The following PRDM14 variants were observed in gnomAD, a reference collection of about 807,000 sequenced individuals.
PRDM14 encodes the protein PR domain zinc finger protein 14.
PRDM14 carries 16 observed loss-of-function variants against 48.0 expected under a neutral mutation model. The ratio of observed to expected loss-of-function variants is 0.33; its 90% CI spans 0.23 to 0.51. The LOEUF (loss-of-function observed/expected upper bound fraction) is 0.51, where lower values mean the gene tolerates loss of function less well. Ranked by LOEUF, PRDM14 falls within the 20% of genes least tolerant of loss-of-function variation. The pLI, the probability that PRDM14 is intolerant of heterozygous loss-of-function variation, is 0.97. For missense variants in PRDM14, 566 were observed against 719.6 expected (o/e 0.79, Z 2.44); for synonymous variants, 264 against 276.6 (o/e 0.95, Z 0.45).
intron 2 of PRDM14, 33 bp from the exon 3 acceptor site, chr8:70,068,565 T>TA: frequency 6.3e-7 from 1 of 1,588,514 alleles, no homozygotes; most frequent in Non-Finnish European, 8.6e-7. Context: ...AATTTTTCAT[T>TA]AAAAATGCAT....
At chr8:70,065,281 G>A (rs1023820117) in intron 5 of PRDM14, among the ~76,000 whole-genome samples, 1 of 152,108 alleles carries the variant, frequency 6.6e-6, no homozygotes, top group Non-Finnish European at 1.5e-5. Flanking sequence ...GAGATTACAG[G>A]TGTGAGCCAC....
At chr8:70,065,498 C>T (rs1216410104) in intron 5 of PRDM14, among the ~76,000 whole-genome samples, 2 of 152,076 alleles carry the variant, frequency 1.3e-5, no homozygotes, top group Admixed American at 1.3e-4. Flanking sequence ...CCAGGACCAG[C>T]AGCACTCCCT....
intron 5 of PRDM14, among the ~76,000 whole-genome samples, chr8:70,063,340 A>G (rs1454543050): frequency 6.6e-6 from 1 of 151,874 alleles, no homozygotes; most frequent in African/African-American, 2.4e-5. Context: ...AGGCTGAGGC[A>G]GGAGAAATGC....
At chr8:70,062,506 A>ATT (rs921167972) in intron 5 of PRDM14, among the ~76,000 whole-genome samples, 1 of 147,076 alleles carries the variant, frequency 6.8e-6, no homozygotes. Context: ...CCTGAAGGTA[A>ATT]TTTTTTTTTT....
chr8:70,051,835 G>A lies in PRDM14; in HGVS notation c.*242C>T, dbSNP rs1805389642. 5 of 416,242 alleles carry A rather than the reference G, an allele frequency of 1.2e-5. No individual in the cohort carries two copies. The highest frequency in any genetic ancestry group is 3.8e-5 in the East Asian group (1 of 26,018). 25.8% of individuals were successfully genotyped at this position (416,242 alleles called of 1,614,324 possible). A position where few individuals can be genotyped will look rare whatever the true frequency, so the allele number is the denominator to read the frequency against. On this transcript the variant is annotated 3_prime_UTR_variant, in exon 8 of 8. Transcript: ENST00000276594. ...CACCCAGGTTGAAAAGCAGTGGGGC[G>A]ATCTCAGCTCACAGCAACCTCCGTC...
In PRDM14 at chr8:70,071,152, C is replaced by G. The variant is rs1805759963; in HGVS notation, c.-27G>C. 1 of 152,354 alleles carries G rather than the reference C, an allele frequency of 6.6e-6. No individual in the cohort carries two copies. Among genetic ancestry groups the G allele is most frequent in the Non-Finnish European group, 1.5e-5 (1 of 68,170 alleles). 9.4% of individuals were successfully genotyped at this position (152,354 alleles called of 1,614,324 possible). Reference sequence around the variant, plus strand: ...GGCGCGTCCTGTCCCGTGCCTACCTCCGACACCACCTCCAAGAGCGCCACC... The same window carrying G: ...GGCGCGTCCTGTCCCGTGCCTACCTGCGACACCACCTCCAAGAGCGCCACC... On this transcript the variant is annotated splice_region_variant and 5_prime_UTR_variant, in exon 1 of 8. Coordinates refer to ENST00000276594, the MANE Select transcript of PRDM14 (RefSeq NM_024504.4). The surrounding 1 kb of genome is among the most constrained non-coding windows in gnomAD (Gnocchi z 5.2).
rs1805387331 is a variant in PRDM14, at chr8:70,051,730, G to C, written c.*347C>G. The stretch of plus-strand genomic sequence containing the variant: ...GAAATAGAGAGAATCCGAATCTCTT[G>C]TTTTTACATTGTCTCCACACTCTTG... On this transcript the variant is annotated 3_prime_UTR_variant, in exon 8 of 8. Transcript: ENST00000276594. 1 of 185,750 alleles carries C rather than the reference G, an allele frequency of 5.4e-6. No individual in the cohort carries two copies. The highest frequency in any genetic ancestry group is 2.3e-5 in the African/African-American group (1 of 42,986). 11.5% of individuals were successfully genotyped at this position (185,750 alleles called of 1,614,324 possible).
In PRDM14 at chr8:70,052,239, T is replaced by C. The variant is rs778885127; in HGVS notation, c.1554A>G (p.Lys518=). 6.2e-7 allele frequency: 1 copy of C among 1,614,198 alleles called. No homozygotes were observed. Among genetic ancestry groups the C allele is most frequent in the Non-Finnish European group, 8.5e-7 (1 of 1,180,050 alleles). ...IRQHSGEKPF[K]CKYCGKSFAS... Reference sequence around the variant, plus strand: ...CAAAAGATTTACCACAGTACTTGCATTTGAAGGGCTTCTCCCCGGAGTGCT... The same window carrying C: ...CAAAAGATTTACCACAGTACTTGCACTTGAAGGGCTTCTCCCCGGAGTGCT... Residue 518 remains lysine, a synonymous_variant, in exon 8 of 8, where the codon AAA becomes AAG. Coordinates refer to ENST00000276594, the MANE Select transcript of PRDM14 (RefSeq NM_024504.4).
chr8:70,056,350 T>C (rs531385805), intron 6 of PRDM14, among the ~76,000 whole-genome samples: 32 of 152,296 alleles, frequency 2.1e-4, no homozygotes, highest in African/African-American at 7.5e-4. Context: ...TGACATCACT[T>C]TTAAGGAAAT....
intron 5 of PRDM14, among the ~76,000 whole-genome samples, chr8:70,065,182 G>C (rs554778254): frequency 6.6e-6 from 1 of 151,992 alleles, no homozygotes; most frequent in Admixed American, 6.6e-5. Flanking sequence ...CACTGTGCCC[G>C]ACCTGAGATG....
chr8:70,066,542 C>G (rs78552282), intron 4 of PRDM14, 37 bp from the exon 5 acceptor site: 4 of 1,546,320 alleles, frequency 2.6e-6, no homozygotes, highest in Non-Finnish European at 3.5e-6. Flanking sequence ...TATTGTACTT[C>G]TTTTTTGGTC....
chr8:70,057,271 C>T (rs994048666), intron 6 of PRDM14, among the ~76,000 whole-genome samples: 1 of 150,950 alleles, frequency 6.6e-6, no homozygotes, highest in Non-Finnish European at 1.5e-5. Flanking sequence ...CCTCCAATTT[C>T]AAAGAGAGCA....
At chr8:70,065,444 C>CT (rs1805651338) in intron 5 of PRDM14, among the ~76,000 whole-genome samples, 2 of 152,122 alleles carry the variant, frequency 1.3e-5, no homozygotes, top group East Asian at 3.8e-4. Flanking sequence ...CTAGAGTGGG[C>CT]TGGTGGTTCC....
chr8:70,063,869 C>T (rs77289012), intron 5 of PRDM14, among the ~76,000 whole-genome samples: 17,794 of 152,072 alleles, frequency 0.12, 1,364 homozygotes, highest in Non-Finnish European at 0.18. Flanking sequence ...AGGAAGTGAC[C>T]AACAGGTCTT....
chr8:70,070,373 C>T (rs909575868), intron 1 of PRDM14, among the ~76,000 whole-genome samples: 7 of 152,146 alleles, frequency 4.6e-5, no homozygotes. Context: ...ATGGAGCAAG[C>T]GACAGCTCCA....
At chr8:70,056,965 T>C (rs1805483711) in intron 6 of PRDM14, among the ~76,000 whole-genome samples, 1 of 140,588 alleles carries the variant, frequency 7.1e-6, no homozygotes, top group Admixed American at 7.2e-5. Flanking sequence ...TCCAGTTTCT[T>C]TTCTTTTTTT....
In PRDM14 at chr8:70,069,575, T is replaced by C. The variant is rs1173165109; in HGVS notation, c.286A>G (p.Ser96Gly). The C allele has an allele frequency of 3.1e-6, 5 of 1,604,502 alleles. No individual in the cohort carries two copies. Among genetic ancestry groups the C allele is most frequent in the Non-Finnish European group, 4.3e-6 (5 of 1,175,778 alleles). Residue 96 changes from serine to glycine, a missense_variant, in exon 2 of 8, where the codon AGC becomes GGC. Transcript: ENST00000276594. ...ATTGGGTACCACGGTGGCAGCTTGC[T>C]GTACCAGGGCAGATCGTAGAGAGGC... is the stretch of plus-strand genomic sequence containing the variant. ...REPLYDLPWY[S>G]KLPPWYPIPH...
At chr8:70,060,153 C>T (rs1226381769) in intron 5 of PRDM14, among the ~76,000 whole-genome samples, 1 of 148,146 alleles carries the variant, frequency 6.8e-6, no homozygotes, top group African/African-American at 2.5e-5. Context: ...ATAATCCCAA[C>T]ACTCTGGGAA....
At chr8:70,063,337 G>A (rs891143254) in intron 5 of PRDM14, among the ~76,000 whole-genome samples, 22 of 151,858 alleles carry the variant, frequency 1.4e-4, no homozygotes, top group African/African-American at 5.3e-4. Context: ...GGGAGGCTGA[G>A]GCAGGAGAAA....
Sources: gnomAD v4.1 joint callset for allele counts (sites outside exome capture counted in the v4.1 genomes callset) on GRCh38, gnomAD v4.1.1 for gene constraint, Gnocchi (gnomAD v3.1) non-coding constraint, MANE v1.5 for transcripts, NCBI Gene and HGNC (gene_info 2026-07-23, HGNC 2026-07-21) for gene names.